DET1: variants seen among roughly 807,000 people sequenced by gnomAD.
The protein encoded by DET1 is DET1 partner of COP1 E3 ubiquitin ligase.
A neutral mutation model predicts 43.7 loss-of-function variants in DET1; 22 were observed. That is an observed-to-expected ratio of 0.50 (90% CI 0.36 to 0.72). The LOEUF (loss-of-function observed/expected upper bound fraction) is 0.72. DET1 is among the 30% of genes least tolerant of loss of function. DET1 has a pLI of 0.00. For missense variants in DET1, 713 were observed against 713.3 expected (o/e 1.00, Z 0.00); for synonymous variants, 315 against 266.2 (o/e 1.18, Z -1.79).
chr15:88,523,578 T>C (rs2056564397), intron 3 of DET1, among the ~76,000 whole-genome samples: 2 of 152,180 alleles, frequency 1.3e-5, no homozygotes, highest in South Asian at 4.1e-4. Context: ...TGCCTGGGAT[T>C]GCAGGCGCGC....
chr15:88,513,676 C>G (rs2056259600), intron 4 of DET1, among the ~76,000 whole-genome samples: 1 of 134,978 alleles, frequency 7.4e-6, no homozygotes. Context: ...TTGAGCACAT[C>G]TCAACTTGAA....
At chr15:88,502,631 T>G (rs1465769338) in intron 8 of DET1, 1 of 152,278 alleles carries the variant, frequency 6.6e-6, no homozygotes, top group Non-Finnish European at 1.5e-5. Context: ...AAATGCTCCC[T>G]GCAGGAGGTG....
chr15:88,526,597 C>T (rs1398580499), intron 3 of DET1, among the ~76,000 whole-genome samples: 3 of 152,072 alleles, frequency 2.0e-5, no homozygotes, highest in Non-Finnish European at 2.9e-5. Flanking sequence ...GAATCTCTAA[C>T]CTCCTGCCTG....
Position 88,530,834 on chromosome 15 carries a change from A to G in DET1, c.872T>C (p.Phe291Ser). Residue 291 changes from phenylalanine (F) to serine (S), a missense_variant, in exon 2 of 5, where the codon TTC (phenylalanine) becomes TCC (serine). Phe to Ser is a radical substitution (Grantham distance 155). Transcript: ENST00000268148. Reference sequence around the variant, plus strand: ...CAACCGGTGTTTGAGGGAATTGATGAAAGGATCCCTAAAGGGATTGGCCAT... The same window carrying G: ...CAACCGGTGTTTGAGGGAATTGATGGAAGGATCCCTAAAGGGATTGGCCAT... ...TGMANPFRDP[F>S]INSLKHRLLV... The G allele has an allele frequency of 6.2e-7, 1 of 1,613,938 alleles. No homozygotes were observed. The highest frequency in any genetic ancestry group is 8.5e-7 in the Non-Finnish European group (1 of 1,179,852).
intron 3 of DET1, among the ~76,000 whole-genome samples, chr15:88,524,356 C>T (rs925387095): frequency 6.6e-6 from 1 of 151,844 alleles, no homozygotes; most frequent in Non-Finnish European, 1.5e-5. Flanking sequence ...GCAGCCCCTG[C>T]CTGGCCACCG....
At chr15:88,517,575 A>G (rs1176128316) in intron 3 of DET1, among the ~76,000 whole-genome samples, 1 of 152,208 alleles carries the variant, frequency 6.6e-6, no homozygotes, top group Non-Finnish European at 1.5e-5. Flanking sequence ...TAAAATGAGT[A>G]TAACTAGTTT....
At position 88,527,685 on chromosome 15, in the gene DET1, G is replaced by A; in HGVS notation, c.1185C>T (p.Asp395=). 1 of 1,613,862 alleles carries A rather than the reference G, an allele frequency of 6.2e-7. No individual in the cohort carries two copies. Among genetic ancestry groups the A allele is most frequent in the Non-Finnish European group, 8.5e-7 (1 of 1,179,852 alleles). The stretch of plus-strand genomic sequence containing the variant: ...TGTGCAGGGTAGCATTACGAAAAAG[G>A]TCACAGAAGTTCTCAAAGAGCTCCA... ...ELLELFENFC[D]LFRNATLHSE... Residue 395 remains aspartate, a synonymous_variant, in exon 3 of 5, where the codon GAC becomes GAT. Coordinates refer to ENST00000268148, the MANE Select transcript of DET1 (RefSeq NM_001144074.3).
chr15:88,513,194 C>T lies in DET1; in HGVS notation c.1464-54G>A. On this transcript the variant is annotated intron_variant, in intron 4 of 4. Coordinates refer to ENST00000268148, the MANE Select transcript of DET1 (RefSeq NM_001144074.3). Reference sequence around the variant, plus strand: ...AAGAGGGGACAGGATTGATATTCACCATCGAACTGAAATCTAGACAGCAGG... The same window carrying T: ...AAGAGGGGACAGGATTGATATTCACTATCGAACTGAAATCTAGACAGCAGG... 5 of 1,506,588 alleles carry T rather than the reference C, an allele frequency of 3.3e-6. No homozygotes were observed. The South Asian group carries it at 6.4e-5, about 19-fold the overall frequency. 93.3% of individuals were successfully genotyped at this position (1,506,588 alleles called of 1,614,324 possible).
chr15:88,512,502 C>A lies in DET1; in HGVS notation c.*449G>T. ...ATATTTAAGTATGAAAATACCATGG[C>A]TTTATTTTTCTCTTAAAAAGATAGC... is the stretch of plus-strand genomic sequence containing the variant. On this transcript the variant is annotated 3_prime_UTR_variant, in exon 5 of 5. Transcript: ENST00000268148. 1.0e-6 allele frequency: 1 copy of A among 987,176 alleles called. No individual in the cohort carries two copies. Among genetic ancestry groups the A allele is most frequent in the Non-Finnish European group, 1.2e-6 (1 of 830,932 alleles). The allele number at this position is 987,176 out of a possible 1,614,324, so 61.2% of individuals were successfully genotyped here. A position where few individuals can be genotyped will look rare whatever the true frequency, so the allele number is the denominator to read the frequency against.
chr15:88,513,957 G>A (rs1030475332), intron 4 of DET1, among the ~76,000 whole-genome samples: 1 of 149,782 alleles, frequency 6.7e-6, no homozygotes, highest in African/African-American at 2.5e-5. Flanking sequence ...CCGCTACCAC[G>A]CCCGGCTAAT....
chr15:88,528,154 A>G (rs2056716938), intron 2 of DET1, among the ~76,000 whole-genome samples: 1 of 152,100 alleles, frequency 6.6e-6, no homozygotes, highest in African/African-American at 2.4e-5. Flanking sequence ...TTTATTCCCT[A>G]CTCGCTCCCC....
At position 88,506,912 on chromosome 15, in the gene DET1, C is replaced by A. The variant is rs543347750; in HGVS notation, c.*2066-2925G>T. Among the ~76,000 whole-genome samples the A allele has an allele frequency of 5.3e-5, 8 of 152,274 alleles. No individual in the cohort carries two copies. In the South Asian group the frequency reaches 1.7e-3, roughly 32 times the overall value. On this transcript the variant is annotated intron_variant and NMD_transcript_variant, in intron 7 of 8. Coordinates refer to the DET1 transcript ENST00000557842. ...ATCTGGATCTGAAAGTCTGTCCCTG[C>A]TTTTCTTATAATTTTGGTTCCAAAG...
chr15:88,544,570 G>A (rs995589146), intron 1 of DET1, among the ~76,000 whole-genome samples: 5 of 152,160 alleles, frequency 3.3e-5, no homozygotes, highest in Non-Finnish European at 5.9e-5. Context: ...CCAGCCAGGA[G>A]AACTAGTGTT....
intron 7 of DET1, chr15:88,505,926 G>C (rs989552680): frequency 6.6e-6 from 1 of 152,174 alleles, no homozygotes; most frequent in Non-Finnish European, 1.5e-5. Context: ...GGTATGCATA[G>C]GTGATGCATG....
intron 8 of DET1, chr15:88,503,138 C>A (rs2056104886): frequency 6.6e-6 from 1 of 152,196 alleles, no homozygotes; most frequent in South Asian, 2.1e-4. Flanking sequence ...GTGGCACATG[C>A]CTGTAATCCC....
rs2056229128 is a variant in DET1 at position 88,512,813 on chromosome 15, C to T, written c.*138G>A. On this transcript the variant is annotated 3_prime_UTR_variant, in exon 5 of 5. Coordinates refer to ENST00000268148, the MANE Select transcript of DET1 (RefSeq NM_001144074.3). ...TAGGTTGAGCCACCCTCACTCCTCTCTCTGGCTCTCTCCCATCTGAGGTAT... is the reference window on the plus strand; with the variant it reads ...TAGGTTGAGCCACCCTCACTCCTCTTTCTGGCTCTCTCCCATCTGAGGTAT... The T allele has an allele frequency of 2.8e-6, 4 of 1,439,288 alleles. No homozygotes were observed. The African/African-American group carries it at 5.7e-5, about 21-fold the overall frequency. 89.2% of individuals were successfully genotyped at this position (1,439,288 alleles called of 1,614,324 possible). A position where few individuals can be genotyped will look rare whatever the true frequency, so the allele number is the denominator to read the frequency against.
rs749847264 is a variant in DET1, at chr15:88,516,646, G to A, written c.1463+136C>T. On this transcript the variant is annotated intron_variant, in intron 4 of 4. Transcript: ENST00000268148. The surrounding 1 kb of genome is among the most constrained non-coding windows in gnomAD (Gnocchi z 4.4). Reference sequence around the variant, plus strand: ...TGATCACAGCTCTCACTGCATTATAGAAATAGCCTGCCTTTTCAACCTTAC... The same window carrying A: ...TGATCACAGCTCTCACTGCATTATAAAAATAGCCTGCCTTTTCAACCTTAC... 1.3e-4 allele frequency: 92 copies of A among 709,868 alleles called. No homozygotes were observed. The highest frequency in any genetic ancestry group is 1.9e-4 in the Non-Finnish European group (87 of 465,942). 44.0% of individuals were successfully genotyped at this position (709,868 alleles called of 1,614,324 possible).
intron 1 of DET1, among the ~76,000 whole-genome samples, chr15:88,541,375 G>A (rs959891379): frequency 6.6e-6 from 1 of 151,338 alleles, no homozygotes; most frequent in African/African-American, 2.4e-5. Context: ...GAGGCTGGCG[G>A]GATCCTCCAT....
downstream of DET1, among the ~76,000 whole-genome samples, chr15:88,509,548 A>C (rs1039532095): frequency 9.9e-5 from 15 of 152,196 alleles, no homozygotes; most frequent in African/African-American, 3.1e-4. Context: ...CCAAATTTGC[A>C]TGAAGGAGGC....
Sources: gnomAD v4.1 joint callset for allele counts (sites outside exome capture counted in the v4.1 genomes callset) on GRCh38, gnomAD v4.1.1 for gene constraint, Gnocchi (gnomAD v3.1) non-coding constraint, MANE v1.5 for transcripts, NCBI Gene and HGNC (gene_info 2026-07-23, HGNC 2026-07-21) for gene names.